RADIL: variants seen among roughly 807,000 people sequenced by gnomAD.
RADIL encodes ras-associating and dilute domain-containing protein.
RADIL carries 99 observed loss-of-function variants against 97.6 expected under a neutral mutation model. That is an observed-to-expected ratio of 1.01 (90% CI 0.86 to 1.20). The LOEUF is 1.20. Among genes scored for constraint, RADIL ranks in the 50% most tolerant of loss-of-function variants. The pLI is 0.00. For missense variants in RADIL, 1,765 were observed against 1,498.9 expected, an observed-to-expected ratio of 1.18 and a Z score of -2.93; for synonymous variants, 803 against 691.8, an observed-to-expected ratio of 1.16 and a Z score of -2.52.
rs1040387224 is a variant in RADIL at position 4,867,876 on chromosome 7, A to G, written c.535+9729T>C. 6.6e-6 allele frequency among the ~76,000 whole-genome samples: 1 copy of G among 152,190 alleles called. No homozygotes were observed. Among genetic ancestry groups the G allele is most frequent in the Non-Finnish European group, 1.5e-5 (1 of 68,038 alleles). On this transcript the variant is annotated intron_variant, in intron 2 of 14. Coordinates refer to ENST00000399583, the MANE Select transcript of RADIL (RefSeq NM_018059.5). The surrounding 1 kb of genome is among the most constrained non-coding windows in gnomAD (Gnocchi z 4.1). ...CTATCCATCCACCAGAGCATCTGCC[A>G]ACAGATTGGAAACCCATGGCCACAC...
intron 2 of RADIL, chr7:4,858,503 CTTT>C (rs1212416543): frequency 1.3e-5 from 2 of 152,534 alleles, no homozygotes; most frequent in African/African-American, 2.4e-5. Flanking sequence ...CTAGAAATTA[CTTT>C]TTTATGTTTC....
In RADIL at chr7:4,822,136, G is replaced by A. The variant is rs979741026; in HGVS notation, c.1615+258C>T. Among the ~76,000 whole-genome samples, 11 of 152,070 alleles carry A rather than the reference G, an allele frequency of 7.2e-5. No individual in the cohort carries two copies. Among genetic ancestry groups the A allele is most frequent in the Non-Finnish European group, 8.8e-5 (6 of 68,022 alleles). On this transcript the variant is annotated intron_variant, in intron 6 of 14. Coordinates refer to ENST00000399583, the MANE Select transcript of RADIL (RefSeq NM_018059.5). This position sits in a 1 kb window ranked among gnomAD's most constrained non-coding sequence, Gnocchi z 5.3. The stretch of plus-strand genomic sequence containing the variant: ...TGCGGTCAAGGGGACGCCACCGCAC[G>A]GAGCACACGGGATGATGGGGACAGA...
intron 2 of RADIL, among the ~76,000 whole-genome samples, chr7:4,856,908 A>G (rs1783846479): frequency 6.6e-6 from 1 of 152,252 alleles, no homozygotes; most frequent in African/African-American, 2.4e-5. Flanking sequence ...TGCCCTCTAC[A>G]AAGGCAGAGT....
intron 5 of RADIL, 125 bp downstream of exon 5, chr7:4,832,016 G>T: frequency 1.0e-6 from 1 of 995,138 alleles, no homozygotes; most frequent in Non-Finnish European, 1.5e-6. Context: ...TGCTTGGATG[G>T]AAGGACAAAG....
chr7:4,830,519 C>G (rs115388350), intron 5 of RADIL, among the ~76,000 whole-genome samples: 5,790 of 152,208 alleles, frequency 0.038, 375 homozygotes, highest in African/African-American at 0.13. Context: ...CAGGTTAGTT[C>G]TAACACAGAA....
chr7:4,799,546 G>T, intron 14 of RADIL, 63 bp from the exon 15 acceptor site: 2 of 1,612,160 alleles, frequency 1.2e-6, no homozygotes, highest in Non-Finnish European at 8.5e-7. Flanking sequence ...ACAGGGTGCA[G>T]CCGGGCCTCT....
At position 4,858,667 on chromosome 7, in the gene RADIL, T is replaced by A. The variant is rs771609220; in HGVS notation, c.535+18938A>T. On this transcript the variant is annotated intron_variant, in intron 2 of 14. Coordinates refer to ENST00000399583, the MANE Select transcript of RADIL (RefSeq NM_018059.5). Reference sequence around the variant, plus strand: ...TCTGTGGAATGAACAAAACTTCTCATATGCAGTGATCAAATGGTCATCCAA... The same window carrying A: ...TCTGTGGAATGAACAAAACTTCTCAAATGCAGTGATCAAATGGTCATCCAA... 2.0e-4 allele frequency: 30 copies of A among 152,744 alleles called. 1 individual carries two copies. The highest frequency in any genetic ancestry group is 7.0e-4 in the African/African-American group (29 of 41,580). The allele number at this position is 152,744 out of a possible 1,614,324, so 9.5% of individuals were successfully genotyped here.
In RADIL at chr7:4,815,576, G is replaced by T; in HGVS notation, c.1967-126C>A. ...TGAGGACATCACAGCTCGATGACAG[G>T]CAGGACACCTTCCCTCGGTTTTCAA... On this transcript the variant is annotated intron_variant, in intron 8 of 14. Coordinates refer to ENST00000399583, the MANE Select transcript of RADIL (RefSeq NM_018059.5). The surrounding 1 kb of genome is among the most constrained non-coding windows in gnomAD (Gnocchi z 8.0). 4.8e-6 allele frequency: 5 copies of T among 1,049,290 alleles called. No individual in the cohort carries two copies. Among genetic ancestry groups the T allele is most frequent in the Non-Finnish European group, 6.6e-6 (5 of 754,538 alleles). The allele number at this position is 1,049,290 out of a possible 1,614,324, so 65.0% of individuals were successfully genotyped here. A position where few individuals can be genotyped will look rare whatever the true frequency, so the allele number is the denominator to read the frequency against.
intron 5 of RADIL, among the ~76,000 whole-genome samples, chr7:4,826,956 TA>T (rs149229010): frequency 0.031 from 4,680 of 152,218 alleles, 240 homozygotes; most frequent in African/African-American, 0.11. Flanking sequence ...AGAGTGAACC[TA>T]AACTTTCCCT....
At chr7:4,860,058 T>A in intron 2 of RADIL, 1 of 1,614,042 alleles carries the variant, frequency 6.2e-7, no homozygotes, top group Non-Finnish European at 8.5e-7. Context: ...ACCCCTGAAC[T>A]TTCATTGGTA....
chr7:4,819,817 C>T lies in RADIL; in HGVS notation c.1616-2466G>A, dbSNP rs940205406. ...TGGTGCCTGCCTGGCCCTCGACACC[C>T]GGAGCCTGCAGGCATCCCTGGGCCC... On this transcript the variant is annotated intron_variant, in intron 6 of 14. Transcript: ENST00000399583. This position sits in a 1 kb window ranked among gnomAD's most constrained non-coding sequence, Gnocchi z 5.8. 3.9e-5 allele frequency among the ~76,000 whole-genome samples: 6 copies of T among 152,230 alleles called. No homozygotes were observed. Among genetic ancestry groups the T allele is most frequent in the Admixed American group, 2.0e-4 (3 of 15,290 alleles).
Position 4,877,603 on chromosome 7 carries a change from A to T in RADIL, c.535+2T>A. 6.3e-7 allele frequency: 1 copy of T among 1,586,432 alleles called. No individual in the cohort carries two copies. Among genetic ancestry groups the T allele is most frequent in the Non-Finnish European group, 8.6e-7 (1 of 1,168,074 alleles). The stretch of plus-strand genomic sequence containing the variant: ...TCTTCCTGAACCTGTGGCCCCCCTC[A>T]CCTGCCGTGATGGTGTCCACCTCCT... On this transcript the variant is annotated splice_donor_variant, in intron 2 of 14. Transcript: ENST00000399583. LOFTEE classifies it high-confidence loss of function.
rs746886109 is a variant in RADIL, at chr7:4,817,936, C to A, written c.1616-585G>T. Among the ~76,000 whole-genome samples, 17 of 152,232 alleles carry A rather than the reference C, an allele frequency of 1.1e-4. No individual in the cohort carries two copies. The highest frequency in any genetic ancestry group is 2.4e-4 in the Non-Finnish European group (16 of 68,028). ...TCTTGTGAAGGTGGGAGGCCCCCAACAGGGTGGAGCCTTCCCCGGGGGCTT... is the reference window on the plus strand; with the variant it reads ...TCTTGTGAAGGTGGGAGGCCCCCAAAAGGGTGGAGCCTTCCCCGGGGGCTT... On this transcript the variant is annotated intron_variant, in intron 6 of 14. Coordinates refer to ENST00000399583, the MANE Select transcript of RADIL (RefSeq NM_018059.5). The surrounding 1 kb of genome is among the most constrained non-coding windows in gnomAD (Gnocchi z 8.3).
intron 2 of RADIL, among the ~76,000 whole-genome samples, chr7:4,875,998 T>G (rs1784369364): frequency 1.3e-5 from 2 of 152,160 alleles, no homozygotes; most frequent in African/African-American, 4.8e-5. Flanking sequence ...CAAGTTACTC[T>G]TTTTATTGTT....
chr7:4,872,106 G>A lies in RADIL; in HGVS notation c.535+5499C>T, dbSNP rs1583325703. ...TGTCGCCACTGTGGATCAGGCCTGA[G>A]GGCCTGGGGCAGGTACTCAGCCATA... On this transcript the variant is annotated intron_variant, in intron 2 of 14. Transcript: ENST00000399583. The surrounding 1 kb of genome is among the most constrained non-coding windows in gnomAD (Gnocchi z 5.8). 6.6e-6 allele frequency among the ~76,000 whole-genome samples: 1 copy of A among 152,290 alleles called. No individual in the cohort carries two copies. The highest frequency in any genetic ancestry group is 1.5e-5 in the Non-Finnish European group (1 of 68,026).
At position 4,834,704 on chromosome 7, in the gene RADIL, A is replaced by G; in HGVS notation, c.1319T>C (p.Leu440Pro). ...DDHKLTPAFL[L>P]CLCIQHSATH... ...GGCCGAGTGCTGGATGCAGAGGCAC[A>G]GGAGGAAGGCGGGGGTCAGCTTGTG... The change falls in exon 4 of 15, where the codon CTG (leucine) becomes CCG (proline). Residue 440 changes from leucine (L) to proline (P), a missense_variant. Coordinates refer to ENST00000399583, the MANE Select transcript of RADIL (RefSeq NM_018059.5). This position sits in a 1 kb window ranked among gnomAD's most constrained non-coding sequence, Gnocchi z 6.0. The G allele has an allele frequency of 7.1e-7, 1 of 1,408,208 alleles. No individual in the cohort carries two copies. Among genetic ancestry groups the G allele is most frequent in the Non-Finnish European group, 9.3e-7 (1 of 1,074,544 alleles). 87.2% of individuals were successfully genotyped at this position (1,408,208 alleles called of 1,614,324 possible).
chr7:4,866,889 A>T (rs2115040506), intron 2 of RADIL, among the ~76,000 whole-genome samples: 1 of 152,364 alleles, frequency 6.6e-6, no homozygotes, highest in East Asian at 1.9e-4. Flanking sequence ...TCACCGTAGT[A>T]AATGAGTTCT....
intron 2 of RADIL, chr7:4,862,136 G>C (rs1335590796): frequency 6.5e-6 from 2 of 308,454 alleles, no homozygotes; most frequent in Non-Finnish European, 1.2e-5. Flanking sequence ...GGCTATACAT[G>C]GGGGTGGGCA....
intron 2 of RADIL, among the ~76,000 whole-genome samples, chr7:4,874,611 C>CCTG (rs1784327253): frequency 6.6e-6 from 1 of 152,254 alleles, no homozygotes; most frequent in Non-Finnish European, 1.5e-5. Flanking sequence ...GGTAACACAA[C>CCTG]CTGCTCCAGC....
Sources: allele counts gnomAD v4.1 joint callset (sites outside exome capture counted in the v4.1 genomes callset), GRCh38; gene constraint gnomAD v4.1.1; non-coding constraint Gnocchi (gnomAD v3.1); transcripts MANE v1.5; gene names NCBI Gene and HGNC (gene_info 2026-07-23, HGNC 2026-07-21).